SPAG16: variants seen among roughly 807,000 people sequenced by gnomAD.
The protein encoded by SPAG16 is sperm-associated antigen 16 protein.
SPAG16 carries 86 observed loss-of-function variants against 80.4 expected under a neutral mutation model. That is an observed-to-expected ratio of 1.07 (90% CI 0.90 to 1.28). The LOEUF (loss-of-function observed/expected upper bound fraction) is 1.28. Ranked by LOEUF, SPAG16 falls within the 50% of genes most tolerant of loss-of-function variation. The pLI, the probability that SPAG16 is intolerant of heterozygous loss-of-function variation, is 0.00. For synonymous variants in SPAG16, 294 were observed against 265.9 expected (o/e 1.11, Z -1.03); for missense variants, 870 against 765.3 (o/e 1.14, Z -1.61).
At position 213,364,083 on chromosome 2, in the gene SPAG16, G is replaced by A. The variant is rs1368203480; in HGVS notation, c.770G>A (p.Gly257Glu). The change falls in exon 8 of 16, where the codon GGA (glycine) becomes GAA (glutamate). Residue 257 changes from glycine (G) to glutamate (E), a missense_variant. Gly to Glu is a moderately conservative substitution (Grantham distance 98). Coordinates refer to ENST00000331683, the MANE Select transcript of SPAG16 (RefSeq NM_024532.5). ...ERDKVVGQIS[G>E]LQETLKKLQR... is the part of the protein sequence containing the mutation. ...TTGAATTTTACTTTTTAGATTTCTGGACTTCAAGAAACATTGAAGAAACTG... is the reference window on the plus strand; with the variant it reads ...TTGAATTTTACTTTTTAGATTTCTGAACTTCAAGAAACATTGAAGAAACTG... 6.0e-6 allele frequency: 9 copies of A among 1,489,082 alleles called. No individual in the cohort carries two copies. Among genetic ancestry groups the A allele is most frequent in the Non-Finnish European group, 8.1e-6 (9 of 1,115,992 alleles). The allele number at this position is 1,489,082 out of a possible 1,614,324, so 92.2% of individuals were successfully genotyped here.
chr2:213,285,408 G>A (rs2062017352), intron 1 of SPAG16, among the ~76,000 whole-genome samples: 1 of 152,138 alleles, frequency 6.6e-6, no homozygotes, highest in African/African-American at 2.4e-5. Context: ...TAGGGAGACG[G>A]GGAGGGTTCA....
At chr2:213,564,390 G>A (rs1255021793) in intron 10 of SPAG16, among the ~76,000 whole-genome samples, 3 of 151,692 alleles carry the variant, frequency 2.0e-5, no homozygotes, top group Non-Finnish European at 4.4e-5. Context: ...AGCTACTCGA[G>A]AGGCTGAGGC....
At chr2:213,537,461 G>A (rs2076290099) in intron 10 of SPAG16, among the ~76,000 whole-genome samples, 1 of 151,506 alleles carries the variant, frequency 6.6e-6, no homozygotes, top group Non-Finnish European at 1.5e-5. Context: ...TTATTAAAAT[G>A]ATCACATTTT....
chr2:213,889,183 A>C (rs1278162263), intron 11 of SPAG16, among the ~76,000 whole-genome samples: 8 of 152,024 alleles, frequency 5.3e-5, no homozygotes, highest in Non-Finnish European at 1.2e-4. Context: ...ATCTGCATCC[A>C]AAATATAAAT....
intron 1 of SPAG16, among the ~76,000 whole-genome samples, chr2:213,286,918 C>T (rs970407908): frequency 1.3e-5 from 2 of 152,190 alleles, no homozygotes; most frequent in Non-Finnish European, 2.9e-5. Flanking sequence ...GTCCCATGTC[C>T]TTTATAATGG....
At chr2:213,519,622 G>A (rs1277448247) in intron 10 of SPAG16, among the ~76,000 whole-genome samples, 1 of 152,084 alleles carries the variant, frequency 6.6e-6, no homozygotes, top group African/African-American at 2.4e-5. Context: ...CCAGTCTCAG[G>A]TATGTCTTTA....
Position 213,915,952 on chromosome 2 carries a change from T to G in SPAG16, c.1215-14008T>G, listed in dbSNP as rs563738564. On this transcript the variant is annotated intron_variant, in intron 11 of 15. Transcript: ENST00000331683. ...ATGTCTGTTCATATTCTTCACCTACTTTTTGATGGGGTTGTTTTGTTTTCT... is the reference window on the plus strand; with the variant it reads ...ATGTCTGTTCATATTCTTCACCTACGTTTTGATGGGGTTGTTTTGTTTTCT... Among the ~76,000 whole-genome samples, 3 of 152,314 alleles carry G rather than the reference T, an allele frequency of 2.0e-5. No individual in the cohort carries two copies. The South Asian group carries it at 6.2e-4, about 32-fold the overall frequency.
chr2:213,464,907 C>G (rs189041774), intron 9 of SPAG16, among the ~76,000 whole-genome samples: 2 of 152,248 alleles, frequency 1.3e-5, no homozygotes, highest in Admixed American at 6.5e-5. Flanking sequence ...TGAGAGGAGG[C>G]CCATTCTATT....
chr2:214,005,002 C>T (rs929884284), intron 12 of SPAG16, among the ~76,000 whole-genome samples: 3 of 152,186 alleles, frequency 2.0e-5, no homozygotes, highest in Non-Finnish European at 2.9e-5. Context: ...GAACACTAAG[C>T]ACTCAATAAA....
intron 14 of SPAG16, among the ~76,000 whole-genome samples, chr2:214,133,310 A>G (rs1261662264): frequency 1.3e-5 from 2 of 152,074 alleles, no homozygotes; most frequent in African/African-American, 4.8e-5. Context: ...ATGTCTCTGG[A>G]CATTGCCAGA....
intron 15 of SPAG16, among the ~76,000 whole-genome samples, chr2:214,392,638 G>A (rs1701154695): frequency 1.3e-5 from 2 of 151,260 alleles, no homozygotes; most frequent in South Asian, 4.2e-4. Context: ...AAGTTTTATA[G>A]TTCTGAAGAA....
intron 3 of SPAG16, among the ~76,000 whole-genome samples, chr2:213,300,653 A>G (rs2062703283): frequency 6.6e-6 from 1 of 152,174 alleles, no homozygotes; most frequent in African/African-American, 2.4e-5. Flanking sequence ...TCTGTTTTGG[A>G]AAATGTAGTT....
chr2:213,445,097 G>T (rs775772616), intron 9 of SPAG16, among the ~76,000 whole-genome samples: 21 of 151,976 alleles, frequency 1.4e-4, no homozygotes, highest in Non-Finnish European at 2.9e-4. Flanking sequence ...ATCAAATTAA[G>T]GACAGGCACA....
chr2:214,351,662 C>G lies in SPAG16; in HGVS notation c.1721-58478C>G, dbSNP rs1251445407. 7.3e-5 allele frequency among the ~76,000 whole-genome samples: 11 copies of G among 151,532 alleles called. No homozygotes were observed. In the East Asian group the frequency reaches 1.9e-3, roughly 27 times the overall value. On this transcript the variant is annotated intron_variant, in intron 15 of 15. Transcript: ENST00000331683. ...AGCTTGCAGTGAGCCGAGATGGCAT[C>G]ACTGCACTCCAGCCTGGGTGACAGA... is the stretch of plus-strand genomic sequence containing the variant.
chr2:214,072,515 A>G (rs931365329), intron 13 of SPAG16, among the ~76,000 whole-genome samples: 2 of 152,136 alleles, frequency 1.3e-5, no homozygotes, highest in Admixed American at 6.5e-5. Context: ...GCTATATACC[A>G]TTTAAGAATG....
chr2:213,387,429 CTCTTTT>C (rs2067486795), intron 9 of SPAG16, among the ~76,000 whole-genome samples: 1 of 71,760 alleles, frequency 1.4e-5, no homozygotes, highest in Non-Finnish European at 2.4e-5. Context: ...GAAATGCATG[CTCTTTT>C]TTTTTTTTTT....
intron 13 of SPAG16, among the ~76,000 whole-genome samples, chr2:214,090,000 C>T (rs1279467806): frequency 6.6e-6 from 1 of 152,042 alleles, no homozygotes; most frequent in Admixed American, 6.6e-5. Context: ...TTCTAATACA[C>T]TGTTTACACT....
At chr2:214,370,830 G>T (rs988616064) in intron 15 of SPAG16, among the ~76,000 whole-genome samples, 5 of 152,132 alleles carry the variant, frequency 3.3e-5, no homozygotes, top group African/African-American at 1.2e-4. Context: ...AATCTAACGT[G>T]TTTATTTCTC....
chr2:214,173,932 A>C (rs1284005487), intron 15 of SPAG16, among the ~76,000 whole-genome samples: 2 of 151,914 alleles, frequency 1.3e-5, no homozygotes, highest in African/African-American at 4.8e-5. Context: ...TATGCAAATC[A>C]ATAAATGTAA....
Sources: gnomAD v4.1 joint callset for allele counts (sites outside exome capture counted in the v4.1 genomes callset) on GRCh38, gnomAD v4.1.1 for gene constraint, MANE v1.5 for transcripts, NCBI Gene and HGNC (gene_info 2026-07-23, HGNC 2026-07-21) for gene names.